Variants in FGF14 observed in about 807,000 individuals in gnomAD.
The protein encoded by FGF14 is fibroblast growth factor homologous factor 4.
Under a neutral mutation model 25.5 loss-of-function variants are expected in FGF14, and 5 were observed. The ratio of observed to expected loss-of-function variants is 0.20; its 90% CI spans 0.10 to 0.41. The LOEUF (loss-of-function observed/expected upper bound fraction) is 0.41. FGF14 is among the 10% of genes least tolerant of loss of function. The pLI, the probability that FGF14 is intolerant of heterozygous loss-of-function variation, is 1.00. For missense variants in FGF14, 222 were observed against 320.1 expected, an observed-to-expected ratio of 0.69 and a Z score of 2.34; for synonymous variants, 138 against 118.3, an observed-to-expected ratio of 1.17 and a Z score of -1.08.
intron 1 of FGF14, among the ~76,000 whole-genome samples, chr13:102,290,357 G>A (rs1184926726): frequency 6.6e-6 from 1 of 152,070 alleles, no homozygotes; most frequent in East Asian, 1.9e-4. Context: ...CCTGGATATT[G>A]GACATCCCAG....
At chr13:101,908,904 T>C (rs1458763320) in intron 1 of FGF14, among the ~76,000 whole-genome samples, 3 of 152,098 alleles carry the variant, frequency 2.0e-5, no homozygotes, top group South Asian at 2.1e-4. Context: ...TATAGATGAA[T>C]GGAACAGAAC....
chr13:102,008,667 C>G (rs563307445), intron 1 of FGF14, among the ~76,000 whole-genome samples: 6 of 151,906 alleles, frequency 3.9e-5, no homozygotes, highest in Non-Finnish European at 8.8e-5. Flanking sequence ...TTTTATTGCT[C>G]TCTTGAACTA....
At chr13:102,394,473 G>A (rs946545135) in intron 1 of FGF14, 1 of 152,552 alleles carries the variant, frequency 6.6e-6, no homozygotes. Flanking sequence ...CGCGCCCCAA[G>A]TCTCTCCCGC....
intron 2 of FGF14, among the ~76,000 whole-genome samples, chr13:101,872,206 G>C (rs933436889): frequency 3.3e-5 from 5 of 151,180 alleles, no homozygotes; most frequent in Non-Finnish European, 7.4e-5. Flanking sequence ...AATTATTTTT[G>C]CTAGTTATGG....
chr13:102,322,282 C>T (rs766363766), intron 1 of FGF14, among the ~76,000 whole-genome samples: 3 of 152,164 alleles, frequency 2.0e-5, no homozygotes, highest in Non-Finnish European at 4.4e-5. Flanking sequence ...TCCTTTACTA[C>T]TAAGACTGAG....
At chr13:102,059,647 T>C (rs1271809435) in intron 1 of FGF14, among the ~76,000 whole-genome samples, 3 of 151,978 alleles carry the variant, frequency 2.0e-5, no homozygotes, top group Non-Finnish European at 4.4e-5. Flanking sequence ...GGTCAGAAGT[T>C]CGAAACCGGC....
At chr13:101,955,834 T>C (rs1325424599) in intron 1 of FGF14, among the ~76,000 whole-genome samples, 1 of 152,244 alleles carries the variant, frequency 6.6e-6, no homozygotes, top group Non-Finnish European at 1.5e-5. Flanking sequence ...CCAAGAGAGC[T>C]ATTTACCATC....
At chr13:102,052,713 ACT>A (rs1162306216) in intron 1 of FGF14, among the ~76,000 whole-genome samples, 1 of 152,124 alleles carries the variant, frequency 6.6e-6, no homozygotes, top group Non-Finnish European at 1.5e-5. Flanking sequence ...AGAGAAGCAG[ACT>A]TTTTCAGACA....
chr13:101,896,177 T>C (rs1388597713), intron 1 of FGF14, among the ~76,000 whole-genome samples: 1 of 152,136 alleles, frequency 6.6e-6, no homozygotes, highest in Non-Finnish European at 1.5e-5. Context: ...GGTGGGGCAA[T>C]AGCAGTGCCT....
intron 1 of FGF14, among the ~76,000 whole-genome samples, chr13:102,157,545 C>A (rs1467358455): frequency 2.6e-5 from 4 of 152,042 alleles, no homozygotes; most frequent in African/African-American, 9.7e-5. Context: ...GATCTAAAAC[C>A]ATAAAAACCC....
chr13:102,355,229 G>C (rs1026405722), intron 1 of FGF14, among the ~76,000 whole-genome samples: 5 of 152,140 alleles, frequency 3.3e-5, no homozygotes, highest in South Asian at 2.1e-4. Context: ...AACAAAGCAT[G>C]GACTTACGTA....
At chr13:102,145,456 G>A (rs1566742049) in intron 1 of FGF14, among the ~76,000 whole-genome samples, 1 of 152,138 alleles carries the variant, frequency 6.6e-6, no homozygotes, top group African/African-American at 2.4e-5. Flanking sequence ...TTATGCTGCT[G>A]AATTAACCAA....
chr13:101,744,353 TCAC>T (rs1437198033), intron 3 of FGF14, among the ~76,000 whole-genome samples: 65 of 152,202 alleles, frequency 4.3e-4, no homozygotes, highest in African/African-American at 1.4e-3. Flanking sequence ...GGGGACAAAG[TCAC>T]AATTCCTGAC....
chr13:102,278,083 G>A (rs531070376), intron 1 of FGF14, among the ~76,000 whole-genome samples: 3 of 152,116 alleles, frequency 2.0e-5, no homozygotes, highest in East Asian at 1.9e-4. Flanking sequence ...ACTATTCAAC[G>A]GAAGTGGCTC....
At chr13:101,823,953 A>G (rs2042284264) in intron 3 of FGF14, among the ~76,000 whole-genome samples, 1 of 151,832 alleles carries the variant, frequency 6.6e-6, no homozygotes, top group Non-Finnish European at 1.5e-5. Context: ...CATTTAAAAT[A>G]TCTGGTATTC....
chr13:101,927,781 C>T (rs1235313766), intron 1 of FGF14, among the ~76,000 whole-genome samples: 2 of 152,152 alleles, frequency 1.3e-5, no homozygotes, highest in Admixed American at 6.5e-5. Flanking sequence ...ACACTCCTGG[C>T]TTTCCCAACA....
chr13:102,049,688 T>C (rs1175605087), intron 1 of FGF14, among the ~76,000 whole-genome samples: 1 of 152,114 alleles, frequency 6.6e-6, no homozygotes, highest in Non-Finnish European at 1.5e-5. Flanking sequence ...GATGAGAATA[T>C]GCCCCTAATG....
At chr13:101,740,956 A>C (rs1269897301) in intron 3 of FGF14, among the ~76,000 whole-genome samples, 1 of 152,224 alleles carries the variant, frequency 6.6e-6, no homozygotes, top group African/African-American at 2.4e-5. Context: ...AAGGTCCTTA[A>C]ATTTCTTATG....
At chr13:101,787,592 G>A (rs1332098487) in intron 3 of FGF14, among the ~76,000 whole-genome samples, 1 of 152,142 alleles carries the variant, frequency 6.6e-6, no homozygotes, top group Non-Finnish European at 1.5e-5. Flanking sequence ...AACTCCCTGT[G>A]CTTTCTGATG....
Sources: allele counts gnomAD v4.1 joint callset (sites outside exome capture counted in the v4.1 genomes callset), GRCh38; gene constraint gnomAD v4.1.1; transcripts MANE v1.5; gene names NCBI Gene and HGNC (gene_info 2026-07-23, HGNC 2026-07-21).